The following ZSWIM6 variants were observed in gnomAD, a reference collection of about 807,000 sequenced individuals.
ZSWIM6 encodes zinc finger SWIM-type containing 6.
A neutral mutation model predicts 113.2 loss-of-function variants in ZSWIM6; 9 were observed. That is an observed-to-expected ratio of 0.08 (90% confidence interval 0.05 to 0.14). The LOEUF (loss-of-function observed/expected upper bound fraction) is 0.14, where lower values mean the gene tolerates loss of function less well. ZSWIM6 is among the 10% of genes least tolerant of loss of function. The pLI is 1.00. For missense variants in ZSWIM6, 1,162 were observed against 1,552.2 expected, an observed-to-expected ratio of 0.75 and a Z score of 4.22; for synonymous variants, 611 against 606.5, an observed-to-expected ratio of 1.01 and a Z score of -0.11.
At chr5:61,392,000 T>A (rs961169210) in intron 1 of ZSWIM6, 1 of 414,310 alleles carries the variant, frequency 2.4e-6, no homozygotes, top group Non-Finnish European at 4.3e-6. Context: ...TCCTTCAAGA[T>A]TGTATTTCCC....
chr5:61,525,210 A>C (rs1045845828), intron 5 of ZSWIM6, among the ~76,000 whole-genome samples: 1 of 152,184 alleles, frequency 6.6e-6, no homozygotes, highest in Non-Finnish European at 1.5e-5. Flanking sequence ...AAATATATGC[A>C]TTTATGCCCT....
At chr5:61,333,009 G>GGCCCCCC in intron 1 of ZSWIM6, 61 bp downstream of exon 1, 1 of 439,894 alleles carries the variant, frequency 2.3e-6, no homozygotes, top group Non-Finnish European at 3.2e-6. Context: ...TGGGGGGGGG[G>GGCCCCCC]TGCCCGCCTT....
rs564913707 is a variant in ZSWIM6 at position 61,354,995 on chromosome 5, A to G, written c.676+22047A>G. ...ATCTGGTCTCATTTTACAGATCATG[A>G]GTAATTAAAGGTATCTCAAGCTGAT... On this transcript the variant is annotated intron_variant, in intron 1 of 13. Transcript: ENST00000252744. Among the ~76,000 whole-genome samples the G allele has an allele frequency of 1.2e-3, 177 of 152,302 alleles. 1 individual carries two copies. The highest frequency in any genetic ancestry group is 5.3e-4 in the Non-Finnish European group (36 of 68,018).
At chr5:61,539,498 C>G in intron 11 of ZSWIM6, 98 bp from the exon 12 acceptor site, 4 of 1,319,498 alleles carry the variant, frequency 3.0e-6, no homozygotes, top group Non-Finnish European at 4.0e-6. Flanking sequence ...TTCTTTTTTC[C>G]CCCTCTGTGT....
chr5:61,520,863 A>C (rs1271226320), intron 4 of ZSWIM6, among the ~76,000 whole-genome samples: 1 of 152,156 alleles, frequency 6.6e-6, no homozygotes, highest in African/African-American at 2.4e-5. Context: ...TAAATTGGAC[A>C]CTGGGATTGT....
intron 1 of ZSWIM6, among the ~76,000 whole-genome samples, chr5:61,383,974 G>T (rs1211405585): frequency 6.6e-6 from 1 of 150,552 alleles, no homozygotes; most frequent in Admixed American, 6.6e-5. Flanking sequence ...GGGCGCGGTG[G>T]CTCACGCCTG....
chr5:61,434,032 A>G, intron 1 of ZSWIM6, among the ~76,000 whole-genome samples: 1 of 146,558 alleles, frequency 6.8e-6, no homozygotes, highest in South Asian at 2.1e-4. Flanking sequence ...AGAAAAATAT[A>G]ATAAAAAATA....
chr5:61,378,611 A>C (rs1745417700), intron 1 of ZSWIM6, among the ~76,000 whole-genome samples: 1 of 151,872 alleles, frequency 6.6e-6, no homozygotes, highest in African/African-American at 2.4e-5. Context: ...CCTGGAGTGC[A>C]ATAGCGTGAT....
intron 4 of ZSWIM6, among the ~76,000 whole-genome samples, chr5:61,503,839 T>C (rs1292994991): frequency 6.6e-6 from 1 of 152,216 alleles, no homozygotes; most frequent in Non-Finnish European, 1.5e-5. Context: ...TTAATAGTAG[T>C]ATCGTCAGTT....
chr5:61,438,234 T>C (rs937784083), intron 1 of ZSWIM6, among the ~76,000 whole-genome samples: 3 of 152,240 alleles, frequency 2.0e-5, no homozygotes, highest in African/African-American at 7.2e-5. Context: ...GATAGTCATG[T>C]TCGAAATATG....
At chr5:61,510,632 A>G (rs1282868859) in intron 4 of ZSWIM6, among the ~76,000 whole-genome samples, 2 of 152,106 alleles carry the variant, frequency 1.3e-5, no homozygotes, top group Non-Finnish European at 2.9e-5. Flanking sequence ...GAGTAGAAAC[A>G]TGCTGGATGT....
intron 1 of ZSWIM6, among the ~76,000 whole-genome samples, chr5:61,366,479 A>G (rs905486771): frequency 2.6e-5 from 4 of 152,242 alleles, no homozygotes; most frequent in Admixed American, 2.0e-4. Context: ...AGATGTTACA[A>G]TGTCCACACA....
chr5:61,373,266 T>C (rs1361630979), intron 1 of ZSWIM6, among the ~76,000 whole-genome samples: 2 of 152,110 alleles, frequency 1.3e-5, no homozygotes, highest in African/African-American at 2.4e-5. Context: ...ATTTAAGTAC[T>C]GATTTATTGA....
At position 61,526,539 on chromosome 5, in the gene ZSWIM6, T is replaced by C; in HGVS notation, c.1837+143T>C. 2.9e-6 allele frequency: 3 copies of C among 1,043,140 alleles called. No individual in the cohort carries two copies. The East Asian group carries it at 8.6e-5, about 30-fold the overall frequency. 64.6% of individuals were successfully genotyped at this position (1,043,140 alleles called of 1,614,324 possible). ...GCCATTCATTTAAAATAATGGCTGA[T>C]CTGTGAGAAATTTGGGGCATCTTTT... On this transcript the variant is annotated intron_variant, in intron 7 of 13. Coordinates refer to ENST00000252744, the MANE Select transcript of ZSWIM6 (RefSeq NM_020928.2).
intron 2 of ZSWIM6, among the ~76,000 whole-genome samples, chr5:61,489,817 G>C (rs1561260340): frequency 6.6e-6 from 1 of 151,986 alleles, no homozygotes; most frequent in Non-Finnish European, 1.5e-5. Context: ...TTTCAGGCAG[G>C]CTCAGGGATC....
Position 61,545,304 on chromosome 5 carries a change from A to C in ZSWIM6, c.*987A>C, listed in dbSNP as rs1427115588. The C allele has an allele frequency of 6.6e-6, 1 of 151,966 alleles. No individual in the cohort carries two copies. The highest frequency in any genetic ancestry group is 1.9e-4 in the East Asian group (1 of 5,182). The allele number at this position is 151,966 out of a possible 1,614,324, so 9.4% of individuals were successfully genotyped here. A position where few individuals can be genotyped will look rare whatever the true frequency, so the allele number is the denominator to read the frequency against. On this transcript the variant is annotated 3_prime_UTR_variant, in exon 14 of 14. Coordinates refer to ENST00000252744, the MANE Select transcript of ZSWIM6 (RefSeq NM_020928.2). The stretch of plus-strand genomic sequence containing the variant: ...ACACAGACACACACACACACCACCA[A>C]CAACCACCACTACACCACACATGCT...
intron 1 of ZSWIM6, chr5:61,391,111 G>A (rs1209505823): frequency 2.7e-6 from 2 of 752,918 alleles, no homozygotes; most frequent in African/African-American, 1.7e-5. Flanking sequence ...CTGTGTCCCA[G>A]TACAGGCCAC....
intron 4 of ZSWIM6, among the ~76,000 whole-genome samples, chr5:61,517,374 A>T (rs776747074): frequency 7.9e-5 from 12 of 152,030 alleles, no homozygotes; most frequent in Non-Finnish European, 1.8e-4. Context: ...ACATTCACTG[A>T]CTTTTCCCTC....
intron 1 of ZSWIM6, among the ~76,000 whole-genome samples, chr5:61,425,929 A>C (rs1369080373): frequency 6.6e-6 from 1 of 152,202 alleles, no homozygotes; most frequent in Non-Finnish European, 1.5e-5. Context: ...TTTAGTAAGA[A>C]ATGGGCAGAT....
Sources: allele counts gnomAD v4.1 joint callset (sites outside exome capture counted in the v4.1 genomes callset), GRCh38; gene constraint gnomAD v4.1.1; transcripts MANE v1.5; gene names NCBI Gene and HGNC (gene_info 2026-07-23, HGNC 2026-07-21).